SYNRG: variants seen among roughly 807,000 people sequenced by gnomAD.
SYNRG encodes AP1 gamma subunit binding protein 1.
SYNRG carries 37 observed loss-of-function variants against 130.9 expected under a neutral mutation model. The ratio of observed to expected loss-of-function variants is 0.28; its 90% CI spans 0.22 to 0.37. The LOEUF (loss-of-function observed/expected upper bound fraction) is 0.37. Among genes scored for constraint, SYNRG ranks in the 10% least tolerant of loss-of-function variants. The probability of loss-of-function intolerance (pLI) is 1.00; values close to 1 mark genes in which losing one functional copy is unlikely to be tolerated. For missense variants in SYNRG, 1,338 were observed against 1,588.9 expected (o/e 0.84, Z 2.68); for synonymous variants, 539 against 568.1 (o/e 0.95, Z 0.73).
At chr17:37,577,078 A>G (rs963273107) in intron 7 of SYNRG, among the ~76,000 whole-genome samples, 1 of 152,216 alleles carries the variant, frequency 6.6e-6, no homozygotes, top group African/African-American at 2.4e-5. Context: ...AACAGAAAGT[A>G]TAAGGGGGGA....
At chr17:37,521,875 T>G (rs1039051310) in intron 19 of SYNRG, among the ~76,000 whole-genome samples, 1 of 151,914 alleles carries the variant, frequency 6.6e-6, no homozygotes, top group African/African-American at 2.4e-5. Flanking sequence ...TTCACCATAA[T>G]AAGACACGTG....
In SYNRG at chr17:37,517,657, G is replaced by C. The variant is rs572825307; in HGVS notation, c.*1283C>G. On this transcript the variant is annotated 3_prime_UTR_variant, in exon 22 of 22. Transcript: ENST00000612223. ...GTAAAAGCAGCAATTATATAGACAA[G>C]ACCAACTTTTTCAGTTTAAAAATAA... 6.6e-6 allele frequency: 1 copy of C among 152,162 alleles called. No individual in the cohort carries two copies. The highest frequency in any genetic ancestry group is 2.4e-5 in the African/African-American group (1 of 41,510). The allele number at this position is 152,162 out of a possible 1,614,324, so 9.4% of individuals were successfully genotyped here. A position where few individuals can be genotyped will look rare whatever the true frequency, so the allele number is the denominator to read the frequency against.
rs1248691413 is a variant in SYNRG at position 37,518,717 on chromosome 17, A to G, written c.*223T>C. The G allele has an allele frequency of 6.0e-5, 29 of 481,654 alleles. No individual in the cohort carries two copies. The East Asian group carries it at 8.6e-4, about 14-fold the overall frequency. 29.8% of individuals were successfully genotyped at this position (481,654 alleles called of 1,614,324 possible). A position where few individuals can be genotyped will look rare whatever the true frequency, so the allele number is the denominator to read the frequency against. Reference sequence around the variant, plus strand: ...GTATTTCAGAAAATCTTAAGTAGAGATAAGTGAGCAAGCTTCTGGTGCCAC... The same window carrying G: ...GTATTTCAGAAAATCTTAAGTAGAGGTAAGTGAGCAAGCTTCTGGTGCCAC... On this transcript the variant is annotated 3_prime_UTR_variant, in exon 22 of 22. Transcript: ENST00000612223.
intron 5 of SYNRG, among the ~76,000 whole-genome samples, chr17:37,585,116 T>C (rs1392515526): frequency 6.6e-6 from 1 of 152,234 alleles, no homozygotes; most frequent in African/African-American, 2.4e-5. Flanking sequence ...GAAAAGATAA[T>C]GGCTGATAGC....
intron 19 of SYNRG, among the ~76,000 whole-genome samples, chr17:37,531,997 G>A (rs1323132268): frequency 1.3e-5 from 2 of 152,110 alleles, no homozygotes; most frequent in Non-Finnish European, 2.9e-5. Context: ...AATTTTTCAC[G>A]TTTACAAAGA....
In SYNRG at chr17:37,553,146, T is replaced by C; in HGVS notation, c.2577A>G (p.Pro859=). 2.5e-6 allele frequency: 4 copies of C among 1,613,610 alleles called. No homozygotes were observed. The highest frequency in any genetic ancestry group is 2.2e-5 in the East Asian group (1 of 44,884). The change falls in exon 14 of 22, where the codon CCA becomes CCG. Residue 859 remains proline (P), a synonymous_variant. Transcript: ENST00000612223. ...CAGGAGGATGCTGGCCACTAACTGTTGGTAAATCCAAAGAGCTATCAGACA... is the reference window on the plus strand; with the variant it reads ...CAGGAGGATGCTGGCCACTAACTGTCGGTAAATCCAAAGAGCTATCAGACA... ...HVMSDSSLDL[P]TVSGQHPPAA... is the part of the protein sequence containing the mutation.
rs182114236 is a variant in SYNRG at position 37,595,965 on chromosome 17, G to A, written c.240+258C>T. Among the ~76,000 whole-genome samples the A allele has an allele frequency of 7.2e-5, 11 of 152,262 alleles. No individual in the cohort carries two copies. The East Asian group carries it at 2.1e-3, about 29-fold the overall frequency. On this transcript the variant is annotated intron_variant, in intron 3 of 21. Transcript: ENST00000612223. ...AAACAGGGATTCACCATGTTGGCCA[G>A]GCTGGTCTCGAACTCCTGACCTCAA...
chr17:37,542,448 G>A lies in SYNRG; in HGVS notation c.2726C>T (p.Ser909Phe), dbSNP rs1322769938. 8 of 1,614,118 alleles carry A rather than the reference G, an allele frequency of 5.0e-6. No individual in the cohort carries two copies. Among genetic ancestry groups the A allele is most frequent in the Admixed American group, 1.7e-5 (1 of 60,024 alleles). Residue 909 changes from serine (S) to phenylalanine (F), a missense_variant, in exon 15 of 22, where the codon TCT becomes TTT. Physicochemically the swap from Ser to Phe is radical, Grantham distance 155. This residue lies in a region of SYNRG where 1,146 missense variants were observed against 1,342.3 expected (regional missense o/e 0.85). Transcript: ENST00000612223. Reference sequence around the variant, plus strand: ...ACTTCCTGCTGAGAGGACAAATGGAGAGAGTTTTCTGCCCTGAGTTGCATC... The same window carrying A: ...ACTTCCTGCTGAGAGGACAAATGGAAAGAGTTTTCTGCCCTGAGTTGCATC... ...RDDATQGRKL[S>F]PFVLSAGSGS... is the part of the protein sequence containing the mutation.
chr17:37,564,460 T>G (rs2059771065), intron 11 of SYNRG, among the ~76,000 whole-genome samples: 1 of 152,248 alleles, frequency 6.6e-6, no homozygotes, highest in Non-Finnish European at 1.5e-5. Context: ...ACAGTAGCAA[T>G]AATCACTTTC....
intron 14 of SYNRG, among the ~76,000 whole-genome samples, chr17:37,547,840 T>C (rs2058406843): frequency 6.6e-6 from 1 of 152,196 alleles, no homozygotes; most frequent in African/African-American, 2.4e-5. Context: ...GATACATAGG[T>C]ATACTTTCTC....
chr17:37,542,461 C>T lies in SYNRG; in HGVS notation c.2713G>A (p.Gly905Ser). ...AGGACAAATGGAGAGAGTTTTCTGC[C>T]CTGAGTTGCATCATCCCTGTCTGAC... is the stretch of plus-strand genomic sequence containing the variant. ...DWSDRDDATQ[G>S]RKLSPFVLSA... Residue 905 changes from glycine (G) to serine (S), a missense_variant, in exon 15 of 22, where the codon GGC (glycine) becomes AGC (serine). Transcript: ENST00000612223. 1.2e-6 allele frequency: 2 copies of T among 1,613,982 alleles called. No homozygotes were observed. Among genetic ancestry groups the T allele is most frequent in the Non-Finnish European group, 1.7e-6 (2 of 1,180,008 alleles).
rs1386961007 is a variant in SYNRG at position 37,518,378 on chromosome 17, A to C, written c.*562T>G. On this transcript the variant is annotated 3_prime_UTR_variant, in exon 22 of 22. Coordinates refer to ENST00000612223, the MANE Select transcript of SYNRG (RefSeq NM_007247.6). ...GAGAACTGGTTCAGTTGTGACAACC[A>C]AGTGGGTAAAATCTGCCCTCACCTG... 3 of 152,340 alleles carry C rather than the reference A, an allele frequency of 2.0e-5. No individual in the cohort carries two copies. Among genetic ancestry groups the C allele is most frequent in the Admixed American group, 2.0e-4 (3 of 15,274 alleles). 9.4% of individuals were successfully genotyped at this position (152,340 alleles called of 1,614,324 possible).
chr17:37,522,230 C>T (rs547820250), intron 19 of SYNRG, among the ~76,000 whole-genome samples: 78 of 151,856 alleles, frequency 5.1e-4, no homozygotes, highest in African/African-American at 1.8e-3. Context: ...AGTACAGTGG[C>T]GTGATCACAG....
chr17:37,584,446 G>A, intron 6 of SYNRG: 1 of 440,980 alleles, frequency 2.3e-6, no homozygotes, highest in Non-Finnish European at 4.2e-6. Flanking sequence ...AAGACAAAGA[G>A]GTTTTTTCCT....
At chr17:37,580,437 C>G (rs1360381924) in intron 6 of SYNRG, among the ~76,000 whole-genome samples, 1 of 150,516 alleles carries the variant, frequency 6.6e-6, no homozygotes, top group Non-Finnish European at 1.5e-5. Flanking sequence ...GTAGCTGGGA[C>G]TACAGGTATG....
intron 14 of SYNRG, among the ~76,000 whole-genome samples, chr17:37,552,115 C>T (rs189423725): frequency 3.7e-4 from 56 of 152,292 alleles, no homozygotes; most frequent in Middle Eastern, 3.4e-3. Flanking sequence ...TAGGACTTTA[C>T]AATTTCTGCC....
chr17:37,571,951 G>A lies in SYNRG; in HGVS notation c.938C>T (p.Pro313Leu). The A allele has an allele frequency of 5.0e-6, 8 of 1,613,128 alleles. No individual in the cohort carries two copies. Among genetic ancestry groups the A allele is most frequent in the Non-Finnish European group, 6.8e-6 (8 of 1,179,786 alleles). Reference protein sequence around the residue: ...YKKILETTMTPTGIDTAKLYP... With the variant: ...YKKILETTMTLTGIDTAKLYP... ...CAGTTTGGCAGTATCTATTCCAGTT[G>A]GAGTCATTGTGGTTTCTAAGATTTT... is the stretch of plus-strand genomic sequence containing the variant. The change falls in exon 9 of 22, where the codon CCA becomes CTA. Residue 313 changes from proline to leucine, a missense_variant. By Grantham distance (98) the Pro-to-Leu change is moderately conservative. Coordinates refer to ENST00000612223, the MANE Select transcript of SYNRG (RefSeq NM_007247.6).
At chr17:37,604,255 AAG>A (rs1346966547) in intron 1 of SYNRG, among the ~76,000 whole-genome samples, 3 of 151,846 alleles carry the variant, frequency 2.0e-5, no homozygotes, top group East Asian at 1.9e-4. Context: ...AAAAAAAAAA[AAG>A]AAAATCTATT....
intron 2 of SYNRG, among the ~76,000 whole-genome samples, chr17:37,598,770 TG>T (rs945815200): frequency 6.6e-6 from 1 of 152,222 alleles, no homozygotes; most frequent in Non-Finnish European, 1.5e-5. Context: ...GGCAACACTT[TG>T]GGGTCTCTTC....
Sources: allele counts gnomAD v4.1 joint callset (sites outside exome capture counted in the v4.1 genomes callset), GRCh38; gene constraint gnomAD v4.1.1; regional missense constraint gnomAD v4.1.1; transcripts MANE v1.5; gene names NCBI Gene and HGNC (gene_info 2026-07-23, HGNC 2026-07-21).